Variants in IFT74 observed in about 807,000 individuals in gnomAD.
IFT74 encodes the protein intraflagellar transport 74, also known as intraflagellar transport protein 74 homolog.
In IFT74, 92 loss-of-function variants were observed where a neutral mutation model predicts 96.7. The observed-to-expected ratio is 0.95, with a 90% CI of 0.80 to 1.13. The LOEUF (loss-of-function observed/expected upper bound fraction) is 1.13. Among genes scored for constraint, IFT74 ranks in the 50% most tolerant of loss-of-function variants. IFT74 has a pLI of 0.00. For missense variants in IFT74, 811 were observed against 698.2 expected (o/e 1.16, Z -1.82); for synonymous variants, 223 against 213.2 (o/e 1.05, Z -0.40).
chr9:27,052,451 T>A (rs1271677130), intron 16 of IFT74, among the ~76,000 whole-genome samples: 1 of 140,016 alleles, frequency 7.1e-6, no homozygotes, highest in Non-Finnish European at 1.5e-5. Context: ...GAGGTTGCAG[T>A]GAGCCGAGAT....
At chr9:27,060,113 C>T (rs1280922311) in intron 18 of IFT74, among the ~76,000 whole-genome samples, 1 of 152,194 alleles carries the variant, frequency 6.6e-6, no homozygotes, top group African/African-American at 2.4e-5. Context: ...AATCTTCACA[C>T]TGCAGCTCTG....
At chr9:26,975,150 G>T (rs759806666) in intron 2 of IFT74, among the ~76,000 whole-genome samples, 2 of 152,130 alleles carry the variant, frequency 1.3e-5, no homozygotes, top group Non-Finnish European at 2.9e-5. Context: ...AGCTGCCTGA[G>T]GGGGAGGGTC....
chr9:26,984,450 G>T (rs1827543765), intron 5 of IFT74, 49 bp from the exon 6 acceptor site: 1 of 1,585,636 alleles, frequency 6.3e-7, no homozygotes. Context: ...ATTTTCTTAT[G>T]TATATTTTTA....
At chr9:27,005,578 TATAC>T (rs1475256652) in intron 8 of IFT74, 1 of 151,950 alleles carries the variant, frequency 6.6e-6, no homozygotes, top group Non-Finnish European at 1.5e-5. Flanking sequence ...AAGCTATAAA[TATAC>T]ATATCTTACC....
intron 17 of IFT74, 129 bp from the exon 18 acceptor site, chr9:27,056,205 G>A: frequency 1.5e-6 from 1 of 670,880 alleles, no homozygotes; most frequent in Admixed American, 3.1e-5. Context: ...TTTACAAACG[G>A]GTTTTAGAGT....
chr9:27,062,512 CT>C (rs937486722), intron 19 of IFT74, 105 bp from the exon 20 acceptor site: 7 of 632,962 alleles, frequency 1.1e-5, no homozygotes, highest in African/African-American at 1.9e-5. Flanking sequence ...TCTAATTGTG[CT>C]TTTTTGTACC....
chr9:27,060,197 A>C (rs1262340550), intron 18 of IFT74, among the ~76,000 whole-genome samples: 1 of 152,150 alleles, frequency 6.6e-6, no homozygotes, highest in Admixed American at 6.5e-5. Context: ...ATATGGCTGA[A>C]CCTTTGACAG....
rs1329289894 is a variant in IFT74, at chr9:26,956,472, G to A, written c.-64G>A. 1 of 152,290 alleles carries A rather than the reference G, an allele frequency of 6.6e-6. No individual in the cohort carries two copies. The highest frequency in any genetic ancestry group is 1.5e-5 in the Non-Finnish European group (1 of 68,090). The allele number at this position is 152,290 out of a possible 1,614,324, so 9.4% of individuals were successfully genotyped here. ...AGCGTGGGCCTCAGAAAGAAGTTAA[G>A]GCACCCGCGAGCCGGGCAACTGCCC... On this transcript the variant is annotated 5_prime_UTR_variant, in exon 1 of 20. Transcript: ENST00000380062.
chr9:27,040,998 A>G (rs1000963370), intron 13 of IFT74, among the ~76,000 whole-genome samples: 2 of 152,158 alleles, frequency 1.3e-5, no homozygotes, highest in Non-Finnish European at 2.9e-5. Context: ...AGAAGAGCAT[A>G]TCTCCCTTAC....
chr9:26,962,957 A>C (rs1258586755), intron 2 of IFT74, among the ~76,000 whole-genome samples: 25 of 134,974 alleles, frequency 1.9e-4, no homozygotes, highest in East Asian at 4.1e-4. Flanking sequence ...TCTTTTTTTT[A>C]TTTTTATTTT....
At chr9:26,993,595 A>G (rs10967648) in intron 8 of IFT74, 22,117 of 152,488 alleles carry the variant, frequency 0.15, 2,604 homozygotes, top group East Asian at 0.68. Context: ...AGATTATGAC[A>G]TAGATCTATT....
At chr9:27,048,726 C>A (rs987432495) in intron 16 of IFT74, among the ~76,000 whole-genome samples, 5 of 152,142 alleles carry the variant, frequency 3.3e-5, no homozygotes, top group Non-Finnish European at 7.3e-5. Flanking sequence ...CCAGCTGTGT[C>A]TGTTAGCTGG....
chr9:27,036,254 A>G (rs1048524587), intron 13 of IFT74, among the ~76,000 whole-genome samples: 2 of 152,234 alleles, frequency 1.3e-5, no homozygotes, highest in African/African-American at 4.8e-5. Context: ...GAAAATCTGC[A>G]TGTAAGTAGA....
intron 1 of IFT74, 126 bp downstream of exon 1, chr9:26,956,642 C>G (rs1826114409): frequency 6.6e-6 from 1 of 152,350 alleles, no homozygotes; most frequent in African/African-American, 2.4e-5. Context: ...TACCGTCGGG[C>G]CTGTAGCCAG....
intron 13 of IFT74, among the ~76,000 whole-genome samples, chr9:27,031,777 AAAAT>A (rs1222337285): frequency 1.7e-3 from 254 of 146,202 alleles, no homozygotes; most frequent in African/African-American, 4.9e-3. Flanking sequence ...AAAATAAAAT[AAAAT>A]AAATAAAATA....
Position 27,018,635 on chromosome 9 carries a change from A to G in IFT74, c.934-12A>G, listed in dbSNP as rs565721015. 2.4e-5 allele frequency: 35 copies of G among 1,459,192 alleles called. No individual in the cohort carries two copies. The highest frequency in any genetic ancestry group is 3.1e-5 in the Non-Finnish European group (33 of 1,059,816). The allele number at this position is 1,459,192 out of a possible 1,614,324, so 90.4% of individuals were successfully genotyped here. On this transcript the variant is annotated splice_polypyrimidine_tract_variant and intron_variant, in intron 11 of 19. Transcript: ENST00000380062. ...TTTTTTTAAATACTACTTTCTTTTTATGCCTTTGTAGATTAAAGATGATAA... is the reference window on the plus strand; with the variant it reads ...TTTTTTTAAATACTACTTTCTTTTTGTGCCTTTGTAGATTAAAGATGATAA...
chr9:26,949,319 A>G (rs956802798), intron 1 of IFT74, among the ~76,000 whole-genome samples: 1 of 152,216 alleles, frequency 6.6e-6, no homozygotes, highest in Non-Finnish European at 1.5e-5. Context: ...TGTTTAAAAA[A>G]TGTTAATTTG....
At chr9:27,012,708 G>GGTTTT (rs1829144162) in intron 10 of IFT74, among the ~76,000 whole-genome samples, 1 of 53,866 alleles carries the variant, frequency 1.9e-5, no homozygotes, top group South Asian at 7.7e-4. Flanking sequence ...AAAAATGTCT[G>GGTTTT]TTTTTTTTTT....
intron 13 of IFT74, among the ~76,000 whole-genome samples, chr9:27,030,619 A>T (rs1396797011): frequency 1.3e-5 from 2 of 151,910 alleles, no homozygotes; most frequent in Non-Finnish European, 2.9e-5. Flanking sequence ...GTGTGTGCTA[A>T]CTAGAAACAA....
Sources: gnomAD v4.1 joint callset for allele counts (sites outside exome capture counted in the v4.1 genomes callset) on GRCh38, gnomAD v4.1.1 for gene constraint, MANE v1.5 for transcripts, NCBI Gene and HGNC (gene_info 2026-07-23, HGNC 2026-07-21) for gene names.